The following JAKMIP3 variants were observed in gnomAD, a reference collection of about 807,000 sequenced individuals.
The protein encoded by JAKMIP3 is Janus kinase and microtubule interacting protein 3.
Under a neutral mutation model 118.5 loss-of-function variants are expected in JAKMIP3, and 58 were observed. The observed-to-expected ratio is 0.49, with a 90% CI of 0.40 to 0.61. The LOEUF (loss-of-function observed/expected upper bound fraction) is 0.61, where lower values mean the gene tolerates loss of function less well. Ranked by LOEUF, JAKMIP3 falls within the 20% of genes least tolerant of loss-of-function variation. The probability of loss-of-function intolerance (pLI) is 0.00; values close to 1 mark genes in which losing one functional copy is unlikely to be tolerated. For missense variants in JAKMIP3, 950 were observed against 1,109.0 expected, an observed-to-expected ratio of 0.86 and a Z score of 2.04; for synonymous variants, 486 against 451.2, an observed-to-expected ratio of 1.08 and a Z score of -0.98.
At chr10:132,068,230 CG>C (rs2039240721) in intron 1 of JAKMIP3, among the ~76,000 whole-genome samples, 1 of 151,864 alleles carries the variant, frequency 6.6e-6, no homozygotes. Context: ...CTGTGGCTTC[CG>C]TGTGGACTGT....
chr10:132,170,804 C>T (rs1186313746), intron 23 of JAKMIP3, among the ~76,000 whole-genome samples: 2 of 152,308 alleles, frequency 1.3e-5, no homozygotes, highest in Non-Finnish European at 2.9e-5. Context: ...GCCACAGGCT[C>T]ATTGTGGACA....
chr10:132,083,625 G>C (rs1246200991), intron 1 of JAKMIP3, among the ~76,000 whole-genome samples: 1 of 152,176 alleles, frequency 6.6e-6, no homozygotes, highest in African/African-American at 2.4e-5. Flanking sequence ...GTCTAGAAGA[G>C]TTTTTCTGAT....
intron 1 of JAKMIP3, among the ~76,000 whole-genome samples, chr10:132,056,586 G>A (rs933965923): frequency 2.0e-5 from 3 of 152,170 alleles, no homozygotes; most frequent in East Asian, 1.9e-4. Flanking sequence ...CTGCCACCAC[G>A]AGGGCCATCG....
chr10:132,040,175 A>AGGATG (rs2037684165), intron 1 of JAKMIP3, among the ~76,000 whole-genome samples: 2 of 152,260 alleles, frequency 1.3e-5, no homozygotes, highest in African/African-American at 4.8e-5. Context: ...GTGGGCCCCC[A>AGGATG]GGATGGGATG....
chr10:132,064,959 G>T (rs1005483152), upstream of JAKMIP3, among the ~76,000 whole-genome samples: 2 of 152,170 alleles, frequency 1.3e-5, no homozygotes, highest in Non-Finnish European at 2.9e-5. This position sits in a 1 kb window ranked among gnomAD's most constrained non-coding sequence, Gnocchi z 4.4. Context: ...GGGTGCAGGC[G>T]AGGGAACTGA....
At chr10:132,142,669 G>A (rs1037716275) in intron 11 of JAKMIP3, among the ~76,000 whole-genome samples, 4 of 152,210 alleles carry the variant, frequency 2.6e-5, no homozygotes, top group Admixed American at 1.3e-4. Context: ...GGAGAGCGTG[G>A]GCCATGGGTC....
intron 2 of JAKMIP3, 70 bp downstream of exon 2, chr10:132,105,013 T>A: frequency 9.9e-6 from 15 of 1,517,652 alleles, no homozygotes; most frequent in Non-Finnish European, 1.3e-5. Flanking sequence ...CAGAGGCTCT[T>A]CCTGGAGTGG....
chr10:132,180,774 T>TGTGTGC lies in JAKMIP3; in HGVS notation c.*1104-1578_*1104-1577insCGTGTG, dbSNP rs1565022478. On this transcript the variant is annotated intron_variant, in intron 23 of 23. Transcript: ENST00000684848. ...GCGCGTGTGTGCGTGTGTGTGCGTG[T>TGTGTGC]GTGTGTGTGCGCGTATGCATGTGCT... 1.7e-4 allele frequency among the ~76,000 whole-genome samples: 11 copies of TGTGTGC among 65,880 alleles called. 1 individual carries two copies. The highest frequency in any genetic ancestry group is 1.1e-3 in the East Asian group (1 of 928). 43.2% of individuals were successfully genotyped at this position (65,880 alleles called of 152,430 possible).
Position 132,049,169 on chromosome 10 carries a change from G to A in JAKMIP3, c.-138+12431G>A, listed in dbSNP as rs190946372. Among the ~76,000 whole-genome samples the A allele has an allele frequency of 4.4e-3, 673 of 152,234 alleles. 6 individuals are homozygous for A. Among genetic ancestry groups the A allele is most frequent in the African/African-American group, 0.016 (646 of 41,530 alleles). On this transcript the variant is annotated intron_variant, in intron 1 of 23. Coordinates refer to the JAKMIP3 transcript ENST00000657785. The surrounding 1 kb of genome is among the most constrained non-coding windows in gnomAD (Gnocchi z 4.3). ...TTCACCAGCATGTCTCAAAGTTGGTGGTCTGGGTTGATTTTCTAGCGGCTG... is the reference window on the plus strand; with the variant it reads ...TTCACCAGCATGTCTCAAAGTTGGTAGTCTGGGTTGATTTTCTAGCGGCTG...
intron 14 of JAKMIP3, among the ~76,000 whole-genome samples, chr10:132,148,399 T>G (rs1233385396): frequency 6.6e-6 from 1 of 152,126 alleles, no homozygotes; most frequent in Admixed American, 6.5e-5. Flanking sequence ...CGGGTGACAG[T>G]GCAGCATCTG....
rs149416040 is a variant in JAKMIP3, at chr10:132,053,546, G to A, written c.-138+16808G>A. Among the ~76,000 whole-genome samples the A allele has an allele frequency of 4.3e-3, 652 of 152,286 alleles. 6 individuals carry two copies. Among genetic ancestry groups the A allele is most frequent in the African/African-American group, 0.015 (611 of 41,558 alleles). On this transcript the variant is annotated intron_variant, in intron 1 of 23. Transcript: ENST00000657785. ...CTGCTCATGTCTCTCAGTCTACATC[G>A]TCCCACGTAATGTGGCCTCTCAGCA...
At chr10:132,128,775 G>A (rs1023279182) in intron 3 of JAKMIP3, among the ~76,000 whole-genome samples, 5 of 151,914 alleles carry the variant, frequency 3.3e-5, no homozygotes, top group African/African-American at 1.2e-4. Flanking sequence ...TTGAATTACT[G>A]CATTTTATTC....
chr10:132,097,927 TCCCCTTCCCCTTTCCCTTTCCCA>T, intron 1 of JAKMIP3, among the ~76,000 whole-genome samples: 1 of 35,160 alleles, frequency 2.8e-5, no homozygotes, highest in African/African-American at 9.7e-5. Context: ...CCCCTTTCCT[TCCCCTTCCCCTTTCCCTTTCCCA>T]TCCCCTTTCC....
In JAKMIP3 at chr10:132,117,618, CGGGCGT is replaced by C. The variant is rs1437437041; in HGVS notation, c.633+50_633+55del. 1 of 673,856 alleles carries C rather than the reference CGGGCGT, an allele frequency of 1.5e-6. No individual in the cohort carries two copies. Among genetic ancestry groups the C allele is most frequent in the Non-Finnish European group, 2.3e-6 (1 of 441,198 alleles). 41.7% of individuals were successfully genotyped at this position (673,856 alleles called of 1,614,324 possible). The stretch of plus-strand genomic sequence containing the variant: ...GCGGGCGTGGGCGAGGGTGCAGGGG[CGGGCGT>C]GGGCGAGGGTGCAGGGGCGGGCGTG... On this transcript the variant is annotated intron_variant, in intron 3 of 23. Coordinates refer to ENST00000684848, the MANE Select transcript of JAKMIP3 (RefSeq NM_001323087.2). This position sits in a 1 kb window ranked among gnomAD's most constrained non-coding sequence, Gnocchi z 8.6.
chr10:132,085,156 C>A (rs1229605926), intron 1 of JAKMIP3, among the ~76,000 whole-genome samples: 7 of 152,138 alleles, frequency 4.6e-5, no homozygotes, highest in African/African-American at 1.7e-4. Flanking sequence ...GGTACCAATT[C>A]TTTGAATGTC....
At chr10:132,154,158 T>A (rs2136231207) in intron 19 of JAKMIP3, among the ~76,000 whole-genome samples, 168 bp downstream of exon 19, 1 of 152,350 alleles carries the variant, frequency 6.6e-6, no homozygotes, top group African/African-American at 2.4e-5. Flanking sequence ...CAGAGCTGCC[T>A]GATGGGGTCT....
intron 3 of JAKMIP3, among the ~76,000 whole-genome samples, chr10:132,120,589 GC>G (rs1198942500): frequency 6.6e-6 from 1 of 152,232 alleles, no homozygotes; most frequent in Non-Finnish European, 1.5e-5. Flanking sequence ...TTGGCTCCAT[GC>G]CCATATCACA....
chr10:132,148,158 G>GAACATT (rs2055022420), intron 14 of JAKMIP3, 108 bp downstream of exon 14: 4 of 681,780 alleles, frequency 5.9e-6, no homozygotes, highest in Non-Finnish European at 7.4e-6. Flanking sequence ...ACATGAACAT[G>GAACATT]AACCCAAAAG....
At chr10:132,136,521 C>T (rs998562669) in intron 6 of JAKMIP3, among the ~76,000 whole-genome samples, 3 of 152,200 alleles carry the variant, frequency 2.0e-5, no homozygotes, top group Admixed American at 6.5e-5. Flanking sequence ...GGCCGTCAGC[C>T]GGTGTCACCA....
Sources: allele counts gnomAD v4.1 joint callset (sites outside exome capture counted in the v4.1 genomes callset), GRCh38; gene constraint gnomAD v4.1.1; non-coding constraint Gnocchi (gnomAD v3.1); transcripts MANE v1.5; gene names NCBI Gene and HGNC (gene_info 2026-07-23, HGNC 2026-07-21).